The following TTC22 variants were observed in gnomAD, a reference collection of about 807,000 sequenced individuals.
The protein encoded by TTC22 is tetratricopeptide repeat domain 22.
TTC22 carries 42 observed loss-of-function variants against 48.2 expected under a neutral mutation model. The ratio of observed to expected loss-of-function variants is 0.87; its 90% CI spans 0.68 to 1.13. The LOEUF (loss-of-function observed/expected upper bound fraction) is 1.13, where lower values mean the gene tolerates loss of function less well. Among genes scored for constraint, TTC22 ranks in the 50% most tolerant of loss-of-function variants. TTC22 has a pLI of 0.00. For synonymous variants in TTC22, 345 were observed against 365.5 expected (o/e 0.94, Z 0.64); for missense variants, 784 against 807.0 (o/e 0.97, Z 0.34).
chr1:54,787,572 C>A, intron 3 of TTC22, 139 bp downstream of exon 3: 1 of 681,990 alleles, frequency 1.5e-6, no homozygotes. Context: ...TTGAGGTGCA[C>A]AGATGAGTGT....
chr1:54,785,321 A>G (rs1019481483), intron 5 of TTC22: 12 of 288,462 alleles, frequency 4.2e-5, no homozygotes, highest in Non-Finnish European at 2.0e-5. Flanking sequence ...GTTGTTATTT[A>G]TATCTTACAG....
Position 54,788,175 on chromosome 1 carries a change from A to G in TTC22, c.568-78T>C. The G allele has an allele frequency of 2.1e-6, 3 of 1,407,756 alleles. No individual in the cohort carries two copies. In the South Asian group the frequency reaches 3.5e-5, roughly 16 times the overall value. The allele number at this position is 1,407,756 out of a possible 1,614,324, so 87.2% of individuals were successfully genotyped here. On this transcript the variant is annotated intron_variant, in intron 1 of 6. Transcript: ENST00000371276. Reference sequence around the variant, plus strand: ...TGTTCATAAACTCCCACACTCACTGAACCCCAAGAGGCAGCAGGCACAAGT... The same window carrying G: ...TGTTCATAAACTCCCACACTCACTGGACCCCAAGAGGCAGCAGGCACAAGT...
chr1:54,780,877 A>C lies in TTC22; in HGVS notation c.*366T>G. The C allele has an allele frequency of 5.6e-6, 1 of 177,374 alleles. No individual in the cohort carries two copies. The allele number at this position is 177,374 out of a possible 1,614,324, so 11.0% of individuals were successfully genotyped here. ...AAAGACAGGCACTCAGGCCTGAGGG[A>C]TTGAGCGCCCGGACTAGAAAACTGC... is the stretch of plus-strand genomic sequence containing the variant. On this transcript the variant is annotated 3_prime_UTR_variant, in exon 7 of 7. Transcript: ENST00000371276.
chr1:54,787,261 C>G (rs935404876), intron 3 of TTC22, 186 bp from the exon 4 acceptor site: 39 of 541,402 alleles, frequency 7.2e-5, no homozygotes, highest in Non-Finnish European at 1.0e-4. Flanking sequence ...GGTTAGTGAA[C>G]CCATTTTAGT....
Position 54,785,983 on chromosome 1 carries a change from C to A in TTC22, c.1020G>T (p.Lys340Asn). 1 of 1,612,730 alleles carries A rather than the reference C, an allele frequency of 6.2e-7. No homozygotes were observed. The change falls in exon 5 of 7, where the codon AAG (lysine) becomes AAT (asparagine). Residue 340 changes from lysine to asparagine, a missense_variant and splice_region_variant. Physicochemically the swap from Lys to Asn is moderately conservative, Grantham distance 94 (BLOSUM62 0). Transcript: ENST00000371276. Reference protein sequence around the residue: ...LNWQAYCTRAKIHIRAYLHDL... With the variant: ...LNWQAYCTRANIHIRAYLHDL... ...ATGGTGGGGCAGGAAGTTGACCCAC[C>A]TTGGCCCTTGTGCAGTACGCCTGCC...
At position 54,780,073 on chromosome 1, in the gene TTC22, C is replaced by G. The variant is rs1012255850; in HGVS notation, c.*1170G>C. 1 of 152,218 alleles carries G rather than the reference C, an allele frequency of 6.6e-6. No homozygotes were observed. Among genetic ancestry groups the G allele is most frequent in the Non-Finnish European group, 1.5e-5 (1 of 68,068 alleles). 9.4% of individuals were successfully genotyped at this position (152,218 alleles called of 1,614,324 possible). The stretch of plus-strand genomic sequence containing the variant: ...GGCTGAGGTTTCAGTGAGCTGAGAT[C>G]TGGCCACTGCACTCCAGCCTGGGCG... On this transcript the variant is annotated 3_prime_UTR_variant, in exon 7 of 7. Coordinates refer to ENST00000371276, the MANE Select transcript of TTC22 (RefSeq NM_001114108.2).
At chr1:54,788,789 G>C (rs1051474375) in intron 1 of TTC22, among the ~76,000 whole-genome samples, 1 of 152,082 alleles carries the variant, frequency 6.6e-6, no homozygotes, top group Non-Finnish European at 1.5e-5. Flanking sequence ...CCTCAGCTGT[G>C]GGGGAGGGGG....
chr1:54,787,475 C>G, intron 3 of TTC22: 1 of 589,570 alleles, frequency 1.7e-6, no homozygotes, highest in South Asian at 2.0e-5. Context: ...ACCTCTCACC[C>G]TCCAGGTCAT....
At chr1:54,800,216 G>A (rs1285489140) in intron 1 of TTC22, among the ~76,000 whole-genome samples, 1 of 152,214 alleles carries the variant, frequency 6.6e-6, no homozygotes, top group East Asian at 1.9e-4. Flanking sequence ...AGGTGAGGGG[G>A]AGAGAAGAGG....
chr1:54,798,368 C>G (rs1557777649), intron 1 of TTC22, among the ~76,000 whole-genome samples: 1 of 152,234 alleles, frequency 6.6e-6, no homozygotes, highest in Non-Finnish European at 1.5e-5. Context: ...GCCTCAGTCA[C>G]TCCCACTTTA....
chr1:54,781,280 G>GCGCCCT lies in TTC22; in HGVS notation c.1667_1672dup (p.Glu556_Gly557dup). On this transcript the variant is annotated inframe_insertion, in exon 7 of 7. Transcript: ENST00000371276. Reference sequence around the variant, plus strand: ...AGCCCGGCGGTCCCGCGGCGCGCTGGCGCCCTCGCCCTCGCGCTCCATGGT... The same window carrying GCGCCCT: ...AGCCCGGCGGTCCCGCGGCGCGCTGGCGCCCTCGCCCTCGCCCTCGCGCTCCATGGT... 1.4e-6 allele frequency: 2 copies of GCGCCCT among 1,477,834 alleles called. No individual in the cohort carries two copies. The highest frequency in any genetic ancestry group is 1.3e-5 in the South Asian group (1 of 78,638). 91.5% of individuals were successfully genotyped at this position (1,477,834 alleles called of 1,614,324 possible). A position where few individuals can be genotyped will look rare whatever the true frequency, so the allele number is the denominator to read the frequency against.
At chr1:54,799,294 G>A (rs758709249) in intron 1 of TTC22, among the ~76,000 whole-genome samples, 1 of 152,194 alleles carries the variant, frequency 6.6e-6, no homozygotes, top group Non-Finnish European at 1.5e-5. Flanking sequence ...CACTGTGGCC[G>A]TGTTCCCAGA....
chr1:54,783,359 C>A (rs1016532602), intron 5 of TTC22, among the ~76,000 whole-genome samples: 10 of 152,196 alleles, frequency 6.6e-5, no homozygotes, highest in Non-Finnish European at 1.2e-4. Context: ...ACTCTATGAA[C>A]CTGAACCTCA....
At position 54,801,251 on chromosome 1, in the gene TTC22, G is replaced by T; in HGVS notation, c.-88C>A. On this transcript the variant is annotated 5_prime_UTR_variant, in exon 1 of 7. Transcript: ENST00000371276. ...GGGGCGTTCCCCGAGCGAGCTCCGT[G>T]CGGGAGGCGAGGGGCAGCCGGCAGA... The T allele has an allele frequency of 7.2e-7, 1 of 1,381,992 alleles. No homozygotes were observed. The highest frequency in any genetic ancestry group is 9.8e-7 in the Non-Finnish European group (1 of 1,019,888). The allele number at this position is 1,381,992 out of a possible 1,614,324, so 85.6% of individuals were successfully genotyped here.
intron 1 of TTC22, chr1:54,794,747 C>G (rs1426685659): frequency 1.3e-5 from 2 of 152,302 alleles, no homozygotes; most frequent in African/African-American, 4.8e-5. Context: ...GATCAGGAAA[C>G]AGAGACTACA....
In TTC22 at chr1:54,781,360, C is replaced by G. The variant is rs1404737033; in HGVS notation, c.1593G>C (p.Leu531=). 2.9e-6 allele frequency: 4 copies of G among 1,401,250 alleles called. No individual in the cohort carries two copies. The highest frequency in any genetic ancestry group is 3.7e-6 in the Non-Finnish European group (4 of 1,089,998). The allele number at this position is 1,401,250 out of a possible 1,614,324, so 86.8% of individuals were successfully genotyped here. Residue 531 remains leucine, a synonymous_variant, in exon 7 of 7, where the codon CTG becomes CTC. Coordinates refer to ENST00000371276, the MANE Select transcript of TTC22 (RefSeq NM_001114108.2). ...WRGHTDEVLG[L]ARALVAQGRP... Reference sequence around the variant, plus strand: ...GTCCCTGGGCCACCAGGGCCCGGGCCAGCCCCAACACCTCGTCCGTGTGCC... The same window carrying G: ...GTCCCTGGGCCACCAGGGCCCGGGCGAGCCCCAACACCTCGTCCGTGTGCC...
intron 3 of TTC22, 134 bp downstream of exon 3, chr1:54,787,577 G>A (rs1646313948): frequency 1.4e-6 from 1 of 689,678 alleles, no homozygotes; most frequent in East Asian, 2.7e-5. Context: ...GTGCACAGAT[G>A]AGTGTAGGGG....
rs1025509344 is a variant in TTC22, at chr1:54,781,182, C to T, written c.*61G>A. The T allele has an allele frequency of 8.1e-7, 1 of 1,236,838 alleles. No individual in the cohort carries two copies. Among genetic ancestry groups the T allele is most frequent in the Non-Finnish European group, 1.1e-6 (1 of 949,718 alleles). 76.6% of individuals were successfully genotyped at this position (1,236,838 alleles called of 1,614,324 possible). On this transcript the variant is annotated 3_prime_UTR_variant, in exon 7 of 7. Transcript: ENST00000371276. The stretch of plus-strand genomic sequence containing the variant: ...GCAGGGAGTCCATCCGGACCTGGTC[C>T]CATCAGCTGGGCGGGGCCTGGGCGG...
rs1364314476 is a variant in TTC22 at position 54,786,025 on chromosome 1, T to C, written c.978A>G (p.Arg326=). The C allele has an allele frequency of 1.2e-6, 2 of 1,613,980 alleles. No homozygotes were observed. The highest frequency in any genetic ancestry group is 2.7e-5 in the African/African-American group (2 of 74,906). ...GTCNMALDVL[R]DPELNWQAYC... ...ACGCCTGCCAGTTGAGTTCTGGATC[T>C]CGTAGGACATCCAGGGCCATGTTGC... is the stretch of plus-strand genomic sequence containing the variant. The change falls in exon 5 of 7, where the codon CGA becomes CGG. Residue 326 remains arginine, a synonymous_variant. Transcript: ENST00000371276.
Sources: allele counts gnomAD v4.1 joint callset (sites outside exome capture counted in the v4.1 genomes callset), GRCh38; gene constraint gnomAD v4.1.1; transcripts MANE v1.5; gene names NCBI Gene and HGNC (gene_info 2026-07-23, HGNC 2026-07-21).